CALML6: variants seen among roughly 807,000 people sequenced by gnomAD.
The protein encoded by CALML6 is calmodulin like 6, also known as calmodulin-like protein 6.
A neutral mutation model predicts 25.0 loss-of-function variants in CALML6; 27 were observed. The ratio of observed to expected loss-of-function variants is 1.08; its 90% CI spans 0.80 to 1.49. The LOEUF (loss-of-function observed/expected upper bound fraction) is 1.49, where lower values mean the gene tolerates loss of function less well. CALML6 is among the 40% of genes most tolerant of loss of function. The pLI is 0.00. For missense variants in CALML6, 239 were observed against 232.7 expected (o/e 1.03, Z -0.18); for synonymous variants, 97 against 87.2 (o/e 1.11, Z -0.63).
chr1:1,915,951 G>C, intron 2 of CALML6: 1 of 603,670 alleles, frequency 1.7e-6, no homozygotes, highest in East Asian at 2.8e-5. Context: ...GGCAGCAGCA[G>C]TGGTGGCAGG....
At chr1:1,915,395 G>A (rs985198398) in intron 1 of CALML6, 88 bp downstream of exon 1, 1 of 1,541,084 alleles carries the variant, frequency 6.5e-7, no homozygotes. Context: ...GCTTGGTCCA[G>A]TGAAGAGGGA....
chr1:1,915,412 C>A lies in CALML6; in HGVS notation c.27+105C>A, dbSNP rs894618116. On this transcript the variant is annotated intron_variant, in intron 1 of 5. Transcript: ENST00000307786. ...TTGGTCCAGTGAAGAGGGAACAGCA[C>A]GGGGAACAGCGTGTGTGAGGGTCCC... 16 of 1,519,610 alleles carry A rather than the reference C, an allele frequency of 1.1e-5. No homozygotes were observed. The African/African-American group carries it at 1.7e-4, about 16-fold the overall frequency. 94.1% of individuals were successfully genotyped at this position (1,519,610 alleles called of 1,614,324 possible).
At chr1:1,916,235 G>A (rs984141141) in intron 2 of CALML6, 7 of 513,692 alleles carry the variant, frequency 1.4e-5, no homozygotes, top group African/African-American at 9.5e-5. Context: ...CCTGTTAGCT[G>A]CCTGGCAGAG....
chr1:1,916,581 G>A lies in CALML6; in HGVS notation c.219G>A (p.Glu73=). The A allele has an allele frequency of 6.2e-7, 1 of 1,610,800 alleles. No individual in the cohort carries two copies. Among genetic ancestry groups the A allele is most frequent in the Middle Eastern group, 1.7e-4 (1 of 6,046 alleles). ...SLLGINPTKS[E]LASMAKDVDR... is the part of the protein sequence containing the mutation. ...TGGGTATCAACCCCACCAAGAGTGA[G>A]CTGGCCTCAATGGCCAAGGATGTGG... The change falls in exon 3 of 6, where the codon GAG becomes GAA. Residue 73 remains glutamate, a synonymous_variant. Transcript: ENST00000307786.
intron 2 of CALML6, 118 bp from the exon 3 acceptor site, chr1:1,916,323 A>T: frequency 8.4e-6 from 8 of 956,852 alleles, no homozygotes; most frequent in Non-Finnish European, 1.2e-5. Flanking sequence ...CTCCTCTCTT[A>T]CCACTCACCT....
At chr1:1,916,365 G>GGGGTAC (rs1651109101) in intron 2 of CALML6, 76 bp from the exon 3 acceptor site, 5 of 1,341,898 alleles carry the variant, frequency 3.7e-6, no homozygotes, top group Non-Finnish European at 3.0e-6. Flanking sequence ...ATGGGTGCAG[G>GGGGTAC]GGGTACCTCT....
At position 1,916,614 on chromosome 1, in the gene CALML6, CAGTG is replaced by C. The variant is rs1446108875; in HGVS notation, c.253+2_253+5del. ...CAATGGCCAAGGATGTGGACAGAGA[CAGTG>C]AGCTCATGGCTGGAGTGGGGTGGGC... On this transcript the variant is annotated splice_donor_variant and splice_donor_region_variant and coding_sequence_variant and intron_variant, in exon 3 of 6. Coordinates refer to ENST00000307786, the MANE Select transcript of CALML6 (RefSeq NM_138705.4). LOFTEE classifies it high-confidence loss of function. The C allele has an allele frequency of 3.1e-6, 5 of 1,603,554 alleles. No homozygotes were observed. Among genetic ancestry groups the C allele is most frequent in the African/African-American group, 1.3e-5 (1 of 74,532 alleles).
rs368840725 is a variant in CALML6, at chr1:1,916,425, C to A, written c.79-16C>A. ...GAAGGGGCTCCTGGTCAGGCCGGTG[C>A]GGGTGTCCCCTGCAGACAGAGCGCC... On this transcript the variant is annotated splice_polypyrimidine_tract_variant and intron_variant, in intron 2 of 5. Coordinates refer to ENST00000307786, the MANE Select transcript of CALML6 (RefSeq NM_138705.4). 6.6e-7 allele frequency: 1 copy of A among 1,505,508 alleles called. No homozygotes were observed. The highest frequency in any genetic ancestry group is 8.9e-7 in the Non-Finnish European group (1 of 1,121,186). 93.3% of individuals were successfully genotyped at this position (1,505,508 alleles called of 1,614,324 possible). A position where few individuals can be genotyped will look rare whatever the true frequency, so the allele number is the denominator to read the frequency against.
chr1:1,916,088 C>T, intron 2 of CALML6: 1 of 437,560 alleles, frequency 2.3e-6, no homozygotes. Context: ...TGGGCTCCTC[C>T]CCACCCTGCT....
chr1:1,915,728 C>G lies in CALML6; in HGVS notation c.71C>G (p.Thr24Ser). 1 of 1,613,452 alleles carries G rather than the reference C, an allele frequency of 6.2e-7. No individual in the cohort carries two copies. The highest frequency in any genetic ancestry group is 1.3e-5 in the African/African-American group (1 of 75,078). Residue 24 changes from threonine (T) to serine (S), a missense_variant, in exon 2 of 6, where the codon ACC (threonine) becomes AGC (serine). Physicochemically the swap from Thr to Ser is moderately conservative, Grantham distance 58. Around this residue, in one of 2 missense-constraint regions of CALML6, gnomAD observed 231 missense variants for 210.9 expected, o/e 1.10. Transcript: ENST00000307786. ...HHPAESCQTT[T>S]DMTERLSAEQ... The stretch of plus-strand genomic sequence containing the variant: ...CCTGCAGAATCCTGTCAGACAACCA[C>G]CGACATGGTAAGGCTGCTCTCTGTG...
rs1363578986 is a variant in CALML6, at chr1:1,917,257, C to T, written c.*64C>T. 1.8e-5 allele frequency: 26 copies of T among 1,484,040 alleles called. No homozygotes were observed. The highest frequency in any genetic ancestry group is 4.2e-5 in the African/African-American group (3 of 71,794). 91.9% of individuals were successfully genotyped at this position (1,484,040 alleles called of 1,614,324 possible). On this transcript the variant is annotated 3_prime_UTR_variant, in exon 6 of 6. Coordinates refer to ENST00000307786, the MANE Select transcript of CALML6 (RefSeq NM_138705.4). ...GCTGCTGCCCCTGCCCCCTGGCCCC[C>T]ACTCCCCCGGCTCCGTGTAAAATAA...
chr1:1,917,210 CG>C lies in CALML6; in HGVS notation c.*22del, dbSNP rs970338126. 4 of 1,584,834 alleles carry C rather than the reference CG, an allele frequency of 2.5e-6. No homozygotes were observed. Among genetic ancestry groups the C allele is most frequent in the African/African-American group, 1.3e-5 (1 of 74,480 alleles). ...ATCCAGTAGGTGCAGCTGCCGCAGC[CG>C]GGGGAGGCCTGCCCGGGAAGGCTGC... On this transcript the variant is annotated 3_prime_UTR_variant, in exon 6 of 6. Transcript: ENST00000307786.
At chr1:1,915,504 A>G (rs1651078302) in intron 1 of CALML6, 181 bp from the exon 2 acceptor site, 3 of 1,289,936 alleles carry the variant, frequency 2.3e-6, no homozygotes, top group Non-Finnish European at 3.2e-6. Flanking sequence ...GGTCAGGGGA[A>G]GCCCAGGCCA....
Position 1,916,618 on chromosome 1 carries a change from G to A in CALML6, c.253+3G>A, listed in dbSNP as rs1570792803. On this transcript the variant is annotated splice_donor_region_variant and intron_variant, in intron 3 of 5. Coordinates refer to ENST00000307786, the MANE Select transcript of CALML6 (RefSeq NM_138705.4). ...GGCCAAGGATGTGGACAGAGACAGT[G>A]AGCTCATGGCTGGAGTGGGGTGGGC... 10 of 1,603,812 alleles carry A rather than the reference G, an allele frequency of 6.2e-6. No individual in the cohort carries two copies. Among genetic ancestry groups the A allele is most frequent in the Non-Finnish European group, 8.5e-6 (10 of 1,173,982 alleles).
intron 2 of CALML6, 122 bp from the exon 3 acceptor site, chr1:1,916,319 T>C: frequency 1.1e-6 from 1 of 932,230 alleles, no homozygotes; most frequent in Non-Finnish European, 1.6e-6. Flanking sequence ...GGGCCTCCTC[T>C]CTTACCACTC....
chr1:1,916,670 G>C (rs2803296), intron 3 of CALML6, 55 bp downstream of exon 3: 883,420 of 1,605,204 alleles, frequency 0.55, 244,944 homozygotes, highest in Admixed American at 0.65. Flanking sequence ...TGGGTCAGGT[G>C]TCAGTGCCTA....
rs1029463182 is a variant in CALML6, at chr1:1,915,733, A to C, written c.76A>C (p.Met26Leu). 5.6e-6 allele frequency: 9 copies of C among 1,613,328 alleles called. No individual in the cohort carries two copies. The highest frequency in any genetic ancestry group is 7.6e-6 in the Non-Finnish European group (9 of 1,179,910). ...AGAATCCTGTCAGACAACCACCGACATGGTAAGGCTGCTCTCTGTGCCCGA... is the reference window on the plus strand; with the variant it reads ...AGAATCCTGTCAGACAACCACCGACCTGGTAAGGCTGCTCTCTGTGCCCGA... The part of the protein sequence containing the change: ...PAESCQTTTD[M>L]TERLSAEQIK... Residue 26 changes from methionine (M) to leucine (L), a missense_variant and splice_region_variant, in exon 2 of 6, where the codon ATG becomes CTG. Around this residue, in one of 2 missense-constraint regions of CALML6, gnomAD observed 231 missense variants for 210.9 expected, o/e 1.10. Transcript: ENST00000307786.
Position 1,915,323 on chromosome 1 carries a change from A to C in CALML6, c.27+16A>C, listed in dbSNP as rs1355319665. On this transcript the variant is annotated intron_variant, in intron 1 of 5. Transcript: ENST00000307786. The stretch of plus-strand genomic sequence containing the variant: ...AATCTCACTGGTAAGTGATGACAGC[A>C]TGGGACCAGGGTCCCATGAAGACCT... 2.6e-6 allele frequency: 4 copies of C among 1,553,178 alleles called. No individual in the cohort carries two copies. The highest frequency in any genetic ancestry group is 2.6e-6 in the Non-Finnish European group (3 of 1,148,338).
At position 1,916,795 on chromosome 1, in the gene CALML6, A is replaced by T. The variant is rs1487750013; in HGVS notation, c.297A>T (p.Gly99=). The T allele has an allele frequency of 1.2e-6, 2 of 1,613,312 alleles. No homozygotes were observed. Among genetic ancestry groups the T allele is most frequent in the African/African-American group, 2.7e-5 (2 of 74,840 alleles). The change falls in exon 4 of 6, where the codon GGA becomes GGT. Residue 99 remains glycine, a synonymous_variant. Coordinates refer to ENST00000307786, the MANE Select transcript of CALML6 (RefSeq NM_138705.4). ...FNCDGFLALM[G]VYHEKAQNQE... ...GCGATGGTTTCCTGGCACTAATGGG[A>T]GTTTACCATGAGAAGGCCCAGAACC...
Sources: gnomAD v4.1 joint callset for allele counts on GRCh38, gnomAD v4.1.1 for gene constraint, gnomAD v4.1.1 regional missense constraint, MANE v1.5 for transcripts, NCBI Gene and HGNC (gene_info 2026-07-23, HGNC 2026-07-21) for gene names.